ATP10B: variants seen among roughly 807,000 people sequenced by gnomAD.
ATP10B encodes phospholipid-transporting ATPase VB.
ATP10B carries 122 observed loss-of-function variants against 141.2 expected under a neutral mutation model. The observed-to-expected ratio is 0.86, with a 90% CI of 0.75 to 1.00. The LOEUF (loss-of-function observed/expected upper bound fraction) is 1.00. Ranked by LOEUF, ATP10B falls within the 50% of genes least tolerant of loss-of-function variation. The pLI is 0.00. For missense variants in ATP10B, 1,876 were observed against 1,825.3 expected (o/e 1.03, Z -0.51); for synonymous variants, 685 against 692.0 (o/e 0.99, Z 0.16).
At chr5:160,701,907 C>A (rs1301678402) in intron 3 of ATP10B, among the ~76,000 whole-genome samples, 2 of 150,968 alleles carry the variant, frequency 1.3e-5, no homozygotes, top group African/African-American at 4.9e-5. Flanking sequence ...CATTCTATTC[C>A]AATGCCTCCC....
chr5:160,615,025 G>A (rs1302296163), intron 17 of ATP10B, among the ~76,000 whole-genome samples: 2 of 152,210 alleles, frequency 1.3e-5, no homozygotes, highest in Non-Finnish European at 2.9e-5. Flanking sequence ...AGCACAGCCT[G>A]TCTCTTAATC....
At position 160,687,841 on chromosome 5, in the gene ATP10B, G is replaced by A; in HGVS notation, c.234C>T (p.Leu78=). Residue 78 remains leucine, a synonymous_variant, in exon 5 of 26, where the codon CTC becomes CTT. Transcript: ENST00000327245. ...GNRTCTTKYT[L]FTFLPRNLFE... ...AGAGATTCCGGGGCAGGAAGGTGAA[G>A]AGGGTGTATTTGGTTGTGCAGGTTC... The A allele has an allele frequency of 6.2e-7, 1 of 1,614,212 alleles. No homozygotes were observed. Among genetic ancestry groups the A allele is most frequent in the Non-Finnish European group, 8.5e-7 (1 of 1,180,038 alleles).
chr5:160,924,557 C>G, the ATP10B span, among the ~76,000 whole-genome samples: 1 of 152,134 alleles, frequency 6.6e-6, no homozygotes, highest in Admixed American at 6.6e-5. Context: ...ACTGCTTTAT[C>G]GGGGTCATGG....
At chr5:160,669,742 G>T (rs1762552486) in intron 7 of ATP10B, among the ~76,000 whole-genome samples, 1 of 150,198 alleles carries the variant, frequency 6.7e-6, no homozygotes, top group Non-Finnish European at 1.5e-5. Flanking sequence ...TGGGACTACA[G>T]ATGCCTGCCA....
In ATP10B at chr5:160,622,454, G is replaced by A; in HGVS notation, c.1752C>T (p.Phe584=). 1 of 1,614,140 alleles carries A rather than the reference G, an allele frequency of 6.2e-7. No individual in the cohort carries two copies. Among genetic ancestry groups the A allele is most frequent in the South Asian group, 1.1e-5 (1 of 91,050 alleles). The change falls in exon 14 of 26, where the codon TTC becomes TTT. Residue 584 remains phenylalanine (F), a synonymous_variant. Coordinates refer to ENST00000327245, the MANE Select transcript of ATP10B (RefSeq NM_025153.3). ...CAGAGTTGCAGATGGTTAAGGCAAG[G>A]AAGAAATCAGCAATGGAGGAGGTGG... is the stretch of plus-strand genomic sequence containing the variant. ...LSTTSSIADF[F]LALTICNSVM...
At chr5:160,870,587 A>G in the ATP10B span, among the ~76,000 whole-genome samples, 1 of 152,112 alleles carries the variant, frequency 6.6e-6, no homozygotes, top group Non-Finnish European at 1.5e-5. Flanking sequence ...GACAACTAAA[A>G]AAGACGTAAC....
rs1754342394 is a variant in ATP10B at position 160,563,144 on chromosome 5, T to C, written c.*2309A>G. On this transcript the variant is annotated 3_prime_UTR_variant, in exon 26 of 26. Transcript: ENST00000327245. ...GTTGGCAGGCAACTATGGAAAACCA[T>C]GTTTATTTTTAATAAAGGATGACAT... 6.6e-6 allele frequency: 1 copy of C among 152,162 alleles called. No individual in the cohort carries two copies. The highest frequency in any genetic ancestry group is 1.5e-5 in the Non-Finnish European group (1 of 68,028). The allele number at this position is 152,162 out of a possible 1,614,324, so 9.4% of individuals were successfully genotyped here.
chr5:160,913,262 G>C, the ATP10B span, among the ~76,000 whole-genome samples: 1 of 152,182 alleles, frequency 6.6e-6, no homozygotes, highest in Non-Finnish European at 1.5e-5. Context: ...AACTCAGTAG[G>C]ACCGGCTGCT....
intron 2 of ATP10B, among the ~76,000 whole-genome samples, chr5:160,776,984 T>C (rs978860788): frequency 2.0e-5 from 3 of 152,162 alleles, no homozygotes; most frequent in Admixed American, 6.5e-5. Flanking sequence ...CTGAGTGATC[T>C]GGCAAATGGG....
At chr5:160,810,926 T>C (rs1168701547) in intron 1 of ATP10B, among the ~76,000 whole-genome samples, 1 of 152,236 alleles carries the variant, frequency 6.6e-6, no homozygotes, top group East Asian at 1.9e-4. Context: ...TTTGTAATTT[T>C]ATAGTTATCA....
At chr5:160,896,326 A>G in the ATP10B span, among the ~76,000 whole-genome samples, 2 of 152,132 alleles carry the variant, frequency 1.3e-5, no homozygotes, top group Non-Finnish European at 2.9e-5. Context: ...AAGAGAGAAA[A>G]ATCAAATATA....
chr5:160,824,988 G>T (rs1774469990), intron 1 of ATP10B, among the ~76,000 whole-genome samples: 1 of 151,972 alleles, frequency 6.6e-6, no homozygotes, highest in South Asian at 2.1e-4. Context: ...TCCAGAGCAT[G>T]TCAACTAGCT....
At chr5:160,653,625 T>C (rs1179567923) in intron 7 of ATP10B, among the ~76,000 whole-genome samples, 1 of 76,394 alleles carries the variant, frequency 1.3e-5, no homozygotes, top group African/African-American at 5.5e-5. Context: ...ATATATATTA[T>C]ATATACATAT....
chr5:160,615,019 C>T (rs972274674), intron 17 of ATP10B, among the ~76,000 whole-genome samples: 3 of 152,222 alleles, frequency 2.0e-5, no homozygotes, highest in Non-Finnish European at 2.9e-5. Context: ...AACAGAAGCA[C>T]AGCCTGTCTC....
chr5:160,594,358 A>C lies in ATP10B; in HGVS notation c.3565-3219T>G, dbSNP rs62391634. On this transcript the variant is annotated intron_variant, in intron 22 of 25. Coordinates refer to ENST00000327245, the MANE Select transcript of ATP10B (RefSeq NM_025153.3). ...AATGCTGAGAGATTTTGTCACCACC[A>C]GGCCTGCCCTAAAAGAGCTCCTGAA... is the stretch of plus-strand genomic sequence containing the variant. Among the ~76,000 whole-genome samples the C allele has an allele frequency of 7.7e-3, 1,174 of 152,328 alleles. 9 individuals are homozygous for C. Among genetic ancestry groups the C allele is most frequent in the Middle Eastern group, 0.017 (5 of 294 alleles).
chr5:160,673,847 T>C (rs1762873156), intron 6 of ATP10B, among the ~76,000 whole-genome samples: 1 of 152,188 alleles, frequency 6.6e-6, no homozygotes, highest in African/African-American at 2.4e-5. Flanking sequence ...TTACAGGCAT[T>C]GGAATGGTCC....
At chr5:160,760,235 A>G (rs112760920) in intron 2 of ATP10B, among the ~76,000 whole-genome samples, 2,161 of 152,340 alleles carry the variant, frequency 0.014, 34 homozygotes, top group Middle Eastern at 0.041. Flanking sequence ...AACACTTGTA[A>G]TAGCAGGCTT....
chr5:160,849,882 A>G (rs1163271137), intron 1 of ATP10B, among the ~76,000 whole-genome samples: 1 of 152,214 alleles, frequency 6.6e-6, no homozygotes. Flanking sequence ...TTGTAAAACA[A>G]TGTCACCAGA....
rs546781036 is a variant in ATP10B, at chr5:160,604,991, T to C, written c.3161-950A>G. 1.1e-4 allele frequency among the ~76,000 whole-genome samples: 17 copies of C among 152,320 alleles called. No individual in the cohort carries two copies. The East Asian group carries it at 2.9e-3, about 26-fold the overall frequency. On this transcript the variant is annotated intron_variant, in intron 19 of 25. Coordinates refer to ENST00000327245, the MANE Select transcript of ATP10B (RefSeq NM_025153.3). ...AGGCTTTGTGAGCCAAGAAGCAAAA[T>C]TGAACAGTTATTCTTGCTGAAAGAC...
Sources: gnomAD v4.1 joint callset for allele counts (sites outside exome capture counted in the v4.1 genomes callset) on GRCh38, gnomAD v4.1.1 for gene constraint, MANE v1.5 for transcripts, NCBI Gene and HGNC (gene_info 2026-07-23, HGNC 2026-07-21) for gene names.